The following TTK variants were observed in gnomAD, a reference collection of about 807,000 sequenced individuals.
TTK encodes dual specificity protein kinase TTK.
In TTK, 59 loss-of-function variants were observed where a neutral mutation model predicts 117.3. The observed-to-expected ratio is 0.50, with a 90% CI of 0.41 to 0.62. The LOEUF is 0.62. Ranked by LOEUF, TTK falls within the 20% of genes least tolerant of loss-of-function variation. The pLI is 0.00. For synonymous variants in TTK, 302 were observed against 325.0 expected, an observed-to-expected ratio of 0.93 and a Z score of 0.76; for missense variants, 921 against 989.4, an observed-to-expected ratio of 0.93 and a Z score of 0.93.
rs1392710897 is a variant in TTK, at chr6:80,042,271, GT to G, written c.*70del. 1.6e-6 allele frequency: 2 copies of G among 1,248,102 alleles called. No homozygotes were observed. The highest frequency in any genetic ancestry group is 4.4e-5 in the Admixed American group (2 of 45,512). 77.3% of individuals were successfully genotyped at this position (1,248,102 alleles called of 1,614,324 possible). A position where few individuals can be genotyped will look rare whatever the true frequency, so the allele number is the denominator to read the frequency against. The stretch of plus-strand genomic sequence containing the variant: ...TGGACTGTTATACTCTTGAATCCCT[GT>G]GGAAATCTACATTTGAAGACAACAT... On this transcript the variant is annotated 3_prime_UTR_variant, in exon 22 of 22. Transcript: ENST00000369798.
chr6:80,008,929 CTGTGTG>C lies in TTK; in HGVS notation c.469+471_469+476del, dbSNP rs3049166. On this transcript the variant is annotated intron_variant, in intron 4 of 21. Transcript: ENST00000369798. ...CTTGGTGGTCAAGTAAACTATATATCTGTGTGTGTGTGTGTGTGTGTGTGTGTGTGT... is the reference window on the plus strand; with the variant it reads ...CTTGGTGGTCAAGTAAACTATATATCTGTGTGTGTGTGTGTGTGTGTGTGT... Among the ~76,000 whole-genome samples, 619 of 142,398 alleles carry C rather than the reference CTGTGTG, an allele frequency of 4.3e-3. 1 individual carries two copies. The highest frequency in any genetic ancestry group is 7.9e-3 in the East Asian group (36 of 4,580). 93.4% of individuals were successfully genotyped at this position (142,398 alleles called of 152,430 possible).
chr6:80,015,643 A>T (rs910802473), intron 10 of TTK, among the ~76,000 whole-genome samples: 2 of 152,190 alleles, frequency 1.3e-5, no homozygotes, highest in Non-Finnish European at 2.9e-5. Flanking sequence ...TTTACATTTC[A>T]TATTTTCTTG....
intron 13 of TTK, among the ~76,000 whole-genome samples, chr6:80,029,664 A>G (rs756827407): frequency 7.9e-5 from 12 of 152,158 alleles, no homozygotes; most frequent in Non-Finnish European, 1.2e-4. Flanking sequence ...GTGAGGCCCA[A>G]GGTTTGCTGG....
In TTK at chr6:80,007,935, G is replaced by A; in HGVS notation, c.266G>A (p.Gly89Asp). 1 of 1,613,568 alleles carries A rather than the reference G, an allele frequency of 6.2e-7. No homozygotes were observed. Among genetic ancestry groups the A allele is most frequent in the East Asian group, 2.2e-5 (1 of 44,828 alleles). Residue 89 changes from glycine to aspartate, a missense_variant, in exon 3 of 22, where the codon GGT becomes GAT. Physicochemically the swap from Gly to Asp is moderately conservative, Grantham distance 94 (BLOSUM62 -1). Transcript: ENST00000369798. ...LSDALLNKLI[G>D]RYSQAIEALP... ...GATGCTCTTTTAAATAAATTGATTG[G>A]TCGTTACAGTCAAGCAATTGAAGCG... is the stretch of plus-strand genomic sequence containing the variant.
chr6:80,041,561 CTT>C (rs964880068), intron 21 of TTK, among the ~76,000 whole-genome samples: 1 of 151,540 alleles, frequency 6.6e-6, no homozygotes, highest in Non-Finnish European at 1.5e-5. Flanking sequence ...TTCAAAGCCT[CTT>C]ATAGCTATAG....
chr6:80,035,233 A>C (rs907297197), intron 15 of TTK, 33 bp from the exon 16 acceptor site: 1 of 1,557,780 alleles, frequency 6.4e-7, no homozygotes, highest in African/African-American at 1.4e-5. Context: ...CTAGCCATTT[A>C]TTGTTTTGTT....
At chr6:80,039,475 T>C (rs1767989312) in intron 18 of TTK, among the ~76,000 whole-genome samples, 1 of 151,912 alleles carries the variant, frequency 6.6e-6, no homozygotes, top group South Asian at 2.1e-4. Flanking sequence ...AATATTTTAA[T>C]TATGAGGTTA....
intron 10 of TTK, among the ~76,000 whole-genome samples, chr6:80,015,029 C>A (rs1767269506): frequency 1.3e-5 from 2 of 151,940 alleles, no homozygotes; most frequent in Admixed American, 1.3e-4. Flanking sequence ...TATATAAATG[C>A]AATGCTGAAT....
At chr6:80,011,025 A>T (rs239556) in intron 5 of TTK, 68 bp downstream of exon 5, 858,363 of 1,466,264 alleles carry the variant, frequency 0.59, 253,414 homozygotes, top group Admixed American at 0.76. Flanking sequence ...CGGGATAATA[A>T]TTTATAGAAA....
chr6:80,011,859 T>C, intron 7 of TTK, 27 bp from the exon 8 acceptor site: 1 of 1,611,972 alleles, frequency 6.2e-7, no homozygotes, highest in Non-Finnish European at 8.5e-7. Context: ...TCCTAGTTGG[T>C]TATTTAATCT....
chr6:80,038,693 G>T (rs1411652066), intron 18 of TTK, among the ~76,000 whole-genome samples: 1 of 152,002 alleles, frequency 6.6e-6, no homozygotes, highest in East Asian at 1.9e-4. Context: ...AGAAAATCTG[G>T]CTTGTAAGTG....
At chr6:80,008,135 AT>A (rs1767045843) in intron 3 of TTK, 104 bp downstream of exon 3, 3 of 1,328,600 alleles carry the variant, frequency 2.3e-6, no homozygotes, top group Non-Finnish European at 3.0e-6. Context: ...GAAAATATTA[AT>A]TTTTTTACCA....
At chr6:80,013,415 A>G in intron 9 of TTK, 49 bp downstream of exon 9, 1 of 1,445,374 alleles carries the variant, frequency 6.9e-7, no homozygotes, top group East Asian at 2.3e-5. Flanking sequence ...CTGATCTGGG[A>G]GGATCAGTAT....
At chr6:80,024,848 T>G (rs1454559891) in intron 11 of TTK, among the ~76,000 whole-genome samples, 1 of 152,126 alleles carries the variant, frequency 6.6e-6, no homozygotes, top group East Asian at 1.9e-4. Flanking sequence ...GGCTGTGTGC[T>G]CTCTGTTCTG....
intron 10 of TTK, among the ~76,000 whole-genome samples, chr6:80,017,412 G>C (rs990977936): frequency 6.6e-6 from 1 of 152,080 alleles, no homozygotes; most frequent in Non-Finnish European, 1.5e-5. Flanking sequence ...TAAGTAGCTG[G>C]GACTTCTAGG....
intron 17 of TTK, chr6:80,037,461 A>G (rs1160276633): frequency 2.6e-5 from 4 of 152,628 alleles, no homozygotes; most frequent in African/African-American, 9.6e-5. Flanking sequence ...AACTCAGAGG[A>G]CTACTGTGAG....
intron 18 of TTK, 44 bp from the exon 19 acceptor site, chr6:80,039,652 G>T: frequency 6.9e-7 from 1 of 1,446,692 alleles, no homozygotes; most frequent in Non-Finnish European, 9.1e-7. Flanking sequence ...CATTTTATAT[G>T]AAAATAACAG....
Position 80,034,931 on chromosome 6 carries a change from G to A in TTK, c.1615-54G>A, listed in dbSNP as rs149562477. On this transcript the variant is annotated intron_variant, in intron 14 of 21. Coordinates refer to ENST00000369798, the MANE Select transcript of TTK (RefSeq NM_003318.5). Reference sequence around the variant, plus strand: ...AAATCCTAATAAATTTAGAATCATTGTGTGATAGTGTATAAATAGTATATT... The same window carrying A: ...AAATCCTAATAAATTTAGAATCATTATGTGATAGTGTATAAATAGTATATT... 8.3e-5 allele frequency: 107 copies of A among 1,295,810 alleles called. No homozygotes were observed. In the East Asian group the frequency reaches 2.4e-3, roughly 29 times the overall value. The allele number at this position is 1,295,810 out of a possible 1,614,324, so 80.3% of individuals were successfully genotyped here.
chr6:80,024,233 G>C (rs1462077873), intron 11 of TTK, among the ~76,000 whole-genome samples: 2 of 152,128 alleles, frequency 1.3e-5, no homozygotes, highest in African/African-American at 4.8e-5. Flanking sequence ...AGCTTTATAT[G>C]ATCCAATAAT....
Sources: gnomAD v4.1 joint callset for allele counts (sites outside exome capture counted in the v4.1 genomes callset) on GRCh38, gnomAD v4.1.1 for gene constraint, MANE v1.5 for transcripts, NCBI Gene and HGNC (gene_info 2026-07-23, HGNC 2026-07-21) for gene names.